TM7SF3: variants seen among roughly 807,000 people sequenced by gnomAD.
The protein encoded by TM7SF3 is transmembrane 7 superfamily member 3.
A neutral mutation model predicts 65.5 loss-of-function variants in TM7SF3; 60 were observed. The observed-to-expected ratio is 0.92, with a 90% confidence interval of 0.74 to 1.14. The LOEUF (loss-of-function observed/expected upper bound fraction) is 1.14, where lower values mean the gene tolerates loss of function less well. Among genes scored for constraint, TM7SF3 ranks in the 50% most tolerant of loss-of-function variants. The pLI is 0.00. For synonymous variants in TM7SF3, 264 were observed against 259.6 expected (o/e 1.02, Z -0.16); for missense variants, 623 against 684.8 (o/e 0.91, Z 1.01).
intron 7 of TM7SF3, 50 bp from the exon 8 acceptor site, chr12:26,980,696 TG>T: frequency 1.1e-6 from 1 of 938,730 alleles, no homozygotes; most frequent in Non-Finnish European, 1.7e-6. Flanking sequence ...ACAAAAGCTA[TG>T]GTTAAGCACC....
At chr12:26,995,539 G>T in intron 4 of TM7SF3, 131 bp from the exon 5 acceptor site, 2 of 931,202 alleles carry the variant, frequency 2.1e-6, no homozygotes, top group Non-Finnish European at 3.3e-6. Context: ...TTTTGCAGTG[G>T]CAACAATTGG....
At position 27,010,332 on chromosome 12, in the gene TM7SF3, C is replaced by T. The variant is rs137966451; in HGVS notation, c.91+3746G>A. On this transcript the variant is annotated intron_variant, in intron 1 of 11. Coordinates refer to ENST00000343028, the MANE Select transcript of TM7SF3 (RefSeq NM_016551.3). ...CAATCAGGCACTCAGAGCAGCCCTA[C>T]GAAAAAATTAGTGGGAAGAAAGGAA... Among the ~76,000 whole-genome samples, 11 of 152,200 alleles carry T rather than the reference C, an allele frequency of 7.2e-5. 1 individual carries two copies. Among genetic ancestry groups the T allele is most frequent in the African/African-American group, 1.4e-4 (6 of 41,526 alleles).
intron 3 of TM7SF3, 96 bp downstream of exon 3, chr12:26,999,430 G>A: frequency 7.7e-7 from 1 of 1,298,862 alleles, no homozygotes; most frequent in Non-Finnish European, 1.1e-6. Context: ...AATTATACTT[G>A]CAACAAACAA....
At chr12:26,990,334 G>T in intron 6 of TM7SF3, 116 bp downstream of exon 6, 1 of 713,064 alleles carries the variant, frequency 1.4e-6, no homozygotes. Flanking sequence ...GCCTAGAACA[G>T]AGAGTGGAAT....
intron 6 of TM7SF3, among the ~76,000 whole-genome samples, chr12:26,984,838 G>A (rs1939973753): frequency 6.6e-6 from 1 of 152,196 alleles, no homozygotes; most frequent in South Asian, 2.1e-4. Context: ...GGAATGAAAG[G>A]AGTGAATAGA....
At position 27,014,224 on chromosome 12, in the gene TM7SF3, G is replaced by C; in HGVS notation, c.-56C>G. On this transcript the variant is annotated 5_prime_UTR_variant, in exon 1 of 12. Coordinates refer to ENST00000343028, the MANE Select transcript of TM7SF3 (RefSeq NM_016551.3). ...GGGCTGGGGAGAGGTGCGGGCGTGC[G>C]CGCCGGGGCCCCGCAGCCTCGCCCA... 6.6e-7 allele frequency: 1 copy of C among 1,515,170 alleles called. No homozygotes were observed. Among genetic ancestry groups the C allele is most frequent in the African/African-American group, 1.4e-5 (1 of 71,126 alleles). The allele number at this position is 1,515,170 out of a possible 1,614,324, so 93.9% of individuals were successfully genotyped here.
intron 6 of TM7SF3, among the ~76,000 whole-genome samples, chr12:26,987,475 C>T (rs1039758919): frequency 2.6e-5 from 4 of 152,182 alleles, no homozygotes. Context: ...TCCAGCCACT[C>T]ATGAGCCAAA....
chr12:26,995,443 T>C, intron 4 of TM7SF3, 35 bp from the exon 5 acceptor site: 2 of 1,611,286 alleles, frequency 1.2e-6, no homozygotes, highest in Non-Finnish European at 1.7e-6. Context: ...CATCAGTCTC[T>C]TGTGGTGCAA....
At position 26,979,855 on chromosome 12, in the gene TM7SF3, G is replaced by A. The variant is rs1323204768; in HGVS notation, c.1118C>T (p.Ser373Leu). The change falls in exon 9 of 12, where the codon TCG becomes TTG. Residue 373 changes from serine to leucine, a missense_variant. By Grantham distance (145) the Ser-to-Leu change is moderately radical. Transcript: ENST00000343028. ...VAVWWRFGIL[S>L]ICMLCVGLVL... ...TAGTCCAACACAGAGCATGCAGATC[G>A]AGAGGATTCCAAATCGCCACCACAC... is the stretch of plus-strand genomic sequence containing the variant. 3 of 1,614,170 alleles carry A rather than the reference G, an allele frequency of 1.9e-6. No homozygotes were observed. The highest frequency in any genetic ancestry group is 3.3e-5 in the Admixed American group (2 of 60,002).
chr12:26,989,521 A>G (rs1940250390), intron 6 of TM7SF3, among the ~76,000 whole-genome samples: 4 of 152,174 alleles, frequency 2.6e-5, no homozygotes, highest in African/African-American at 7.2e-5. Context: ...TCAAAGGTCA[A>G]TTGCATATAG....
intron 5 of TM7SF3, among the ~76,000 whole-genome samples, chr12:26,992,423 C>T (rs1202004554): frequency 4.6e-5 from 7 of 152,018 alleles, no homozygotes; most frequent in Admixed American, 1.3e-4. Context: ...GGACTACAGG[C>T]GCCCGCCACC....
At position 26,982,785 on chromosome 12, in the gene TM7SF3, A is replaced by G. The variant is rs759030108; in HGVS notation, c.943T>C (p.Phe315Leu). The G allele has an allele frequency of 3.1e-6, 5 of 1,608,690 alleles. No homozygotes were observed. In the Admixed American group the frequency reaches 5.1e-5, roughly 16 times the overall value. ...TTGGACATAATACCTGTTTTCCAGA[A>G]TCTGTGTCCAAAGAAACAAATGAAG... ...GFFICFFGHR[F>L]WKTELFFIGF... The change falls in exon 7 of 12, where the codon TTC becomes CTC. Residue 315 changes from phenylalanine (F) to leucine (L), a missense_variant. Coordinates refer to ENST00000343028, the MANE Select transcript of TM7SF3 (RefSeq NM_016551.3).
chr12:27,012,139 T>C (rs756433757), intron 1 of TM7SF3, among the ~76,000 whole-genome samples: 1 of 152,204 alleles, frequency 6.6e-6, no homozygotes, highest in African/African-American at 2.4e-5. Context: ...GATATTCTTA[T>C]TGGAAGACAG....
chr12:27,007,145 T>C (rs1941070155), intron 1 of TM7SF3, among the ~76,000 whole-genome samples: 1 of 152,216 alleles, frequency 6.6e-6, no homozygotes, highest in Admixed American at 6.5e-5. Context: ...AGTCTTTGCT[T>C]CTGAATTCTT....
chr12:27,014,316 C>G lies in TM7SF3; in HGVS notation c.-148G>C, dbSNP rs1179340165. 8.1e-6 allele frequency: 4 copies of G among 492,184 alleles called. No individual in the cohort carries two copies. In the East Asian group the frequency reaches 1.6e-4, roughly 19 times the overall value. The allele number at this position is 492,184 out of a possible 1,614,324, so 30.5% of individuals were successfully genotyped here. ...GGTGCAGACGCTTCGCACCTGCCAG[C>G]TCCGCAGCCGCCGGCGCGCGCCCCG... is the stretch of plus-strand genomic sequence containing the variant. On this transcript the variant is annotated 5_prime_UTR_variant, in exon 1 of 12. Coordinates refer to ENST00000343028, the MANE Select transcript of TM7SF3 (RefSeq NM_016551.3).
chr12:27,009,895 T>C (rs1385109512), intron 1 of TM7SF3, among the ~76,000 whole-genome samples: 3 of 152,246 alleles, frequency 2.0e-5, no homozygotes, highest in Non-Finnish European at 4.4e-5. Flanking sequence ...GAAAATACTT[T>C]GGCAGTGTAA....
At chr12:26,990,728 T>A (rs1476460074) in intron 5 of TM7SF3, 101 bp from the exon 6 acceptor site, 8 of 889,562 alleles carry the variant, frequency 9.0e-6, no homozygotes, top group Non-Finnish European at 1.4e-5. Flanking sequence ...TATTCATAAA[T>A]TATAATTCTT....
intron 1 of TM7SF3, 72 bp downstream of exon 1, chr12:27,014,006 C>T (rs1941344486): frequency 7.6e-7 from 1 of 1,320,416 alleles, no homozygotes; most frequent in African/African-American, 1.5e-5. Context: ...TGACAGACCC[C>T]TGGCGGATTT....
At chr12:26,999,735 A>G in intron 2 of TM7SF3, 59 bp from the exon 3 acceptor site, 1 of 1,580,818 alleles carries the variant, frequency 6.3e-7, no homozygotes, top group Non-Finnish European at 8.7e-7. Context: ...TAAATTACTG[A>G]GCTGATCCAG....
Sources: gnomAD v4.1 joint callset for allele counts (sites outside exome capture counted in the v4.1 genomes callset) on GRCh38, gnomAD v4.1.1 for gene constraint, MANE v1.5 for transcripts, NCBI Gene and HGNC (gene_info 2026-07-23, HGNC 2026-07-21) for gene names.